The following LAMA1 variants were observed in gnomAD, a reference collection of about 807,000 sequenced individuals.
LAMA1 encodes the protein laminin subunit alpha 1.
A neutral mutation model predicts 348.7 loss-of-function variants in LAMA1; 219 were observed. The observed-to-expected ratio is 0.63, with a 90% confidence interval of 0.56 to 0.70. The LOEUF (loss-of-function observed/expected upper bound fraction) is 0.70, where lower values mean the gene tolerates loss of function less well. Ranked by LOEUF, LAMA1 falls within the 30% of genes least tolerant of loss-of-function variation. The probability of loss-of-function intolerance (pLI) is 0.00; values close to 1 mark genes in which losing one functional copy is unlikely to be tolerated. For missense variants in LAMA1, 3,744 were observed against 3,888.0 expected, an observed-to-expected ratio of 0.96 and a Z score of 0.99; for synonymous variants, 1,487 against 1,491.0, an observed-to-expected ratio of 1.00 and a Z score of 0.06.
intron 28 of LAMA1, among the ~76,000 whole-genome samples, chr18:7,007,653 A>T (rs773685010): frequency 6.6e-6 from 1 of 152,310 alleles, no homozygotes; most frequent in South Asian, 2.1e-4. Flanking sequence ...AAAGAACTGG[A>T]AGCAGAATCT....
At chr18:7,080,519 C>A in intron 1 of LAMA1, 62 bp from the exon 2 acceptor site, 1 of 1,550,652 alleles carries the variant, frequency 6.4e-7, no homozygotes, top group Middle Eastern at 1.7e-4. Context: ...GAGCTTACCC[C>A]ATCCCACTTG....
chr18:7,046,682 A>G (rs925284151), intron 5 of LAMA1, among the ~76,000 whole-genome samples: 11 of 152,202 alleles, frequency 7.2e-5, no homozygotes, highest in Admixed American at 6.5e-4. Context: ...TGAATACAGC[A>G]CTCTATAGAA....
At chr18:7,117,635 A>G in intron 1 of LAMA1, 25 bp downstream of exon 1, 2 of 1,592,788 alleles carry the variant, frequency 1.3e-6, no homozygotes, top group African/African-American at 1.4e-5. Context: ...GGGGACAGGG[A>G]CCCTAGGACC....
At chr18:7,010,505 A>T (rs1422068560) in intron 25 of LAMA1, 120 bp from the exon 26 acceptor site, 10 of 951,056 alleles carry the variant, frequency 1.1e-5, no homozygotes, top group Non-Finnish European at 1.3e-5. Flanking sequence ...CACATGGGTG[A>T]AATTTGTTGT....
intron 1 of LAMA1, among the ~76,000 whole-genome samples, chr18:7,089,177 G>C (rs1476489670): frequency 6.6e-6 from 1 of 151,956 alleles, no homozygotes; most frequent in Admixed American, 6.6e-5. Context: ...TCAGGAGTTC[G>C]AGACCACCAT....
intron 3 of LAMA1, among the ~76,000 whole-genome samples, chr18:7,061,890 G>A (rs570566719): frequency 9.2e-5 from 14 of 152,278 alleles, no homozygotes; most frequent in South Asian, 4.2e-4. Context: ...CAGCCTGCAC[G>A]GGAAAAGAAG....
intron 23 of LAMA1, among the ~76,000 whole-genome samples, chr18:7,012,512 T>C (rs914968108): frequency 2.4e-4 from 35 of 147,594 alleles, no homozygotes; most frequent in African/African-American, 8.4e-4. Context: ...ATTATTATTA[T>C]TATTATTATT....
chr18:7,094,401 T>G (rs2143807006), intron 1 of LAMA1, among the ~76,000 whole-genome samples: 1 of 138,724 alleles, frequency 7.2e-6, no homozygotes, highest in East Asian at 2.1e-4. Flanking sequence ...CACTCCAGCT[T>G]GGGTGACAGA....
intron 9 of LAMA1, among the ~76,000 whole-genome samples, chr18:7,041,251 T>G (rs2058019290): frequency 6.6e-6 from 1 of 152,240 alleles, no homozygotes; most frequent in Non-Finnish European, 1.5e-5. Context: ...TTAACCTTCT[T>G]GACTGCTCTG....
intron 27 of LAMA1, among the ~76,000 whole-genome samples, chr18:7,008,978 TG>T (rs367855580): frequency 2.6e-3 from 391 of 152,308 alleles, no homozygotes; most frequent in African/African-American, 8.4e-3. Flanking sequence ...AAACAGCAAT[TG>T]TTTTTTTTGC....
intron 32 of LAMA1, among the ~76,000 whole-genome samples, chr18:6,998,345 G>A (rs1253995391): frequency 1.3e-5 from 2 of 152,216 alleles, no homozygotes; most frequent in East Asian, 1.9e-4. Flanking sequence ...AGGCAAGGAA[G>A]TAAGGCAGAA....
chr18:6,945,990 C>T (rs1300725974), intron 61 of LAMA1, among the ~76,000 whole-genome samples: 1 of 151,932 alleles, frequency 6.6e-6, no homozygotes, highest in Non-Finnish European at 1.5e-5. Context: ...CTGGGAGAAA[C>T]TGTGAAGGAG....
chr18:6,982,268 C>T (rs1217037072), intron 41 of LAMA1, among the ~76,000 whole-genome samples: 1 of 151,776 alleles, frequency 6.6e-6, no homozygotes, highest in Non-Finnish European at 1.5e-5. Context: ...GATGACTGCA[C>T]AATAAAGGAA....
intron 3 of LAMA1, among the ~76,000 whole-genome samples, chr18:7,058,068 C>T (rs2058089567): frequency 6.6e-6 from 1 of 152,002 alleles, no homozygotes; most frequent in Admixed American, 6.6e-5. Context: ...TCCCAAAGTG[C>T]TAGGATTACA....
intron 46 of LAMA1, among the ~76,000 whole-genome samples, chr18:6,973,539 T>C (rs981733782): frequency 7.2e-5 from 11 of 152,214 alleles, no homozygotes; most frequent in Non-Finnish European, 1.5e-4. Context: ...AGTGAAAACA[T>C]ACACTTAAAG....
At position 7,044,773 on chromosome 18, in the gene LAMA1, G is replaced by T. The variant is rs765760144; in HGVS notation, c.925C>A (p.His309Asn). 2 of 1,614,040 alleles carry T rather than the reference G, an allele frequency of 1.2e-6. No homozygotes were observed. The highest frequency in any genetic ancestry group is 2.7e-5 in the African/African-American group (2 of 74,914). The change falls in exon 7 of 63, where the codon CAT becomes AAT. Residue 309 changes from histidine (H) to asparagine (N), a missense_variant. Transcript: ENST00000389658. ...GTTCCCGGCCTCCAGGGCTGCTGAT[G>T]GTACCCAGGACAGCACCTGTTACAG... ...ESCNRCCPGY[H>N]QQPWRPGTVS...
At chr18:7,048,848 GGGGACGGGGTGGGTGA>G (rs1404522772) in intron 5 of LAMA1, among the ~76,000 whole-genome samples, 22 of 152,234 alleles carry the variant, frequency 1.4e-4, no homozygotes, top group African/African-American at 4.8e-4. Flanking sequence ...ATGGCACTAT[GGGGACGGGGTGGGTGA>G]GGGACCTAAG....
chr18:6,975,827 T>A, intron 45 of LAMA1, 110 bp downstream of exon 45: 1 of 1,306,636 alleles, frequency 7.7e-7, no homozygotes, highest in East Asian at 2.3e-5. Flanking sequence ...TATGGGAGAT[T>A]TAGAGATTTC....
At position 7,037,662 on chromosome 18, in the gene LAMA1, C is replaced by G. The variant is rs374075138; in HGVS notation, c.1653G>C (p.Gln551His). The change falls in exon 12 of 63, where the codon CAG becomes CAC. Residue 551 changes from glutamine (Q) to histidine (H), a missense_variant. Transcript: ENST00000389658. ...TGACCGCGGTGTTGTTGATGCTGAC[C>G]TGATGGCGCCCGCCTAGTGCATCTT... Reference protein sequence around the residue: ...SQQDALGGRHQVSINNTAVMQ... With the variant: ...SQQDALGGRHHVSINNTAVMQ... 1.3e-4 allele frequency: 203 copies of G among 1,614,062 alleles called. No homozygotes were observed. The highest frequency in any genetic ancestry group is 1.7e-4 in the Non-Finnish European group (197 of 1,180,042).
Sources: allele counts gnomAD v4.1 joint callset (sites outside exome capture counted in the v4.1 genomes callset), GRCh38; gene constraint gnomAD v4.1.1; transcripts MANE v1.5; gene names NCBI Gene and HGNC (gene_info 2026-07-23, HGNC 2026-07-21).